Variants in FYB2 observed in about 807,000 individuals in gnomAD.
FYB2 encodes FYN-binding protein 2.
FYB2 carries 103 observed loss-of-function variants against 94.1 expected under a neutral mutation model. The ratio of observed to expected loss-of-function variants is 1.09; its 90% CI spans 0.93 to 1.29. The LOEUF is 1.29. Among genes scored for constraint, FYB2 ranks in the 50% most tolerant of loss-of-function variants. The pLI is 0.00. For synonymous variants in FYB2, 293 were observed against 287.9 expected (o/e 1.02, Z -0.18); for missense variants, 896 against 841.5 (o/e 1.06, Z -0.80).
chr1:56,738,512 A>G, intron 14 of FYB2, 113 bp downstream of exon 14: 1 of 1,111,308 alleles, frequency 9.0e-7, no homozygotes, highest in African/African-American at 1.6e-5. Context: ...ATTTTGGTAG[A>G]GCAATTTTTC....
At chr1:56,778,630 A>G (rs1422167705) in intron 4 of FYB2, among the ~76,000 whole-genome samples, 1 of 152,182 alleles carries the variant, frequency 6.6e-6, no homozygotes, top group Non-Finnish European at 1.5e-5. Context: ...CATGGTCTAG[A>G]AAAACATAAA....
At chr1:56,793,534 A>G (rs1646323647) in intron 1 of FYB2, among the ~76,000 whole-genome samples, 1 of 152,156 alleles carries the variant, frequency 6.6e-6, no homozygotes, top group East Asian at 1.9e-4. Context: ...CTGAGTACAC[A>G]TGGACATAAA....
chr1:56,801,632 A>G, intron 1 of FYB2, among the ~76,000 whole-genome samples: 1 of 151,754 alleles, frequency 6.6e-6, no homozygotes, highest in East Asian at 1.9e-4. Flanking sequence ...CAAGTACCCT[A>G]CTCCTGGACA....
chr1:56,809,014 G>T (rs538067779), intron 1 of FYB2, among the ~76,000 whole-genome samples: 2 of 152,130 alleles, frequency 1.3e-5, no homozygotes, highest in East Asian at 3.9e-4. Context: ...CACATATATA[G>T]ATATAAATAT....
At chr1:56,754,967 G>A (rs1645289772) in intron 7 of FYB2, among the ~76,000 whole-genome samples, 1 of 152,088 alleles carries the variant, frequency 6.6e-6, no homozygotes, top group African/African-American at 2.4e-5. Flanking sequence ...AGAGAGGAAG[G>A]TAGCCCATCC....
At chr1:56,798,792 A>G (rs1646457633) in intron 1 of FYB2, among the ~76,000 whole-genome samples, 1 of 152,172 alleles carries the variant, frequency 6.6e-6, no homozygotes, top group African/African-American at 2.4e-5. Flanking sequence ...TCGAGGGCCT[A>G]TGTGACTTGT....
chr1:56,764,600 G>T (rs1645578697), intron 5 of FYB2, among the ~76,000 whole-genome samples: 1 of 146,400 alleles, frequency 6.8e-6, no homozygotes, highest in Non-Finnish European at 1.5e-5. Context: ...TTATTTCTTT[G>T]ATAAGACTTT....
Position 56,726,597 on chromosome 1 carries a change from T to C in FYB2, c.1794-14A>G. The C allele has an allele frequency of 6.3e-7, 1 of 1,595,582 alleles. No homozygotes were observed. The highest frequency in any genetic ancestry group is 8.6e-7 in the Non-Finnish European group (1 of 1,166,436). ...TTATCTTCATCTCTGAGGAGAAATA[T>C]ATTTTGAGCAAGTAAATTAAGACTG... On this transcript the variant is annotated splice_polypyrimidine_tract_variant and intron_variant, in intron 15 of 19. Transcript: ENST00000343433.
At chr1:56,734,222 G>A (rs569441664) in intron 15 of FYB2, among the ~76,000 whole-genome samples, 39 of 151,976 alleles carry the variant, frequency 2.6e-4, no homozygotes, top group Non-Finnish European at 4.4e-4. Flanking sequence ...TTTATCTGAC[G>A]CTAGGATTGC....
rs184705892 is a variant in FYB2, at chr1:56,741,824, G to A, written c.1604+337C>T. ...AAAAACAGCTATAAAATTGAAGCAA[G>A]TTTTATTAATATTTACATCTCTTTT... On this transcript the variant is annotated intron_variant, in intron 12 of 19. Coordinates refer to ENST00000343433, the MANE Select transcript of FYB2 (RefSeq NM_001004303.5). 9.7e-4 allele frequency among the ~76,000 whole-genome samples: 148 copies of A among 152,076 alleles called. No individual in the cohort carries two copies. The East Asian group carries it at 0.019, about 20-fold the overall frequency.
intron 2 of FYB2, among the ~76,000 whole-genome samples, chr1:56,791,529 T>C (rs930572287): frequency 2.0e-5 from 3 of 152,180 alleles, no homozygotes; most frequent in African/African-American, 7.2e-5. Context: ...ATAACAGGCA[T>C]AAGCCACCGT....
At chr1:56,723,524 T>A in intron 17 of FYB2, 64 bp downstream of exon 17, 1 of 943,884 alleles carries the variant, frequency 1.1e-6, no homozygotes, top group South Asian at 1.7e-5. Context: ...TTACAGATTT[T>A]TTTTTTAAAT....
At chr1:56,742,614 T>C (rs1644980700) in intron 11 of FYB2, among the ~76,000 whole-genome samples, 1 of 152,104 alleles carries the variant, frequency 6.6e-6, no homozygotes, top group African/African-American at 2.4e-5. Context: ...ATATCTTGAA[T>C]AATCTCTCCC....
chr1:56,742,115 A>T (rs1297973626), intron 12 of FYB2, 46 bp downstream of exon 12: 1 of 1,542,636 alleles, frequency 6.5e-7, no homozygotes, highest in South Asian at 1.1e-5. Context: ...TTACTAGACT[A>T]ACAGGAAGTC....
At chr1:56,735,409 G>A (rs72668344) in intron 15 of FYB2, among the ~76,000 whole-genome samples, 10,877 of 152,174 alleles carry the variant, frequency 0.071, 515 homozygotes, top group Middle Eastern at 0.14. Context: ...GCTAAGAAAG[G>A]TTGCTGTCAT....
chr1:56,744,559 CT>C (rs1444694709), intron 9 of FYB2, among the ~76,000 whole-genome samples: 1 of 151,914 alleles, frequency 6.6e-6, no homozygotes, highest in Non-Finnish European at 1.5e-5. Context: ...TAGTAACTCC[CT>C]TCTTTGATGG....
intron 5 of FYB2, among the ~76,000 whole-genome samples, chr1:56,765,901 C>T (rs919888850): frequency 3.9e-5 from 6 of 152,124 alleles, no homozygotes; most frequent in African/African-American, 1.4e-4. Context: ...TACATCTGTT[C>T]CATCTTCCCA....
rs781188790 is a variant in FYB2 at position 56,740,690 on chromosome 1, T to A, written c.1703+7A>T. ...CTCGTGGAAAGGGATTTAAAGGGACTTTTTACCTTAAGTTTTCTTTCGACT... is the reference window on the plus strand; with the variant it reads ...CTCGTGGAAAGGGATTTAAAGGGACATTTTACCTTAAGTTTTCTTTCGACT... On this transcript the variant is annotated splice_region_variant and intron_variant, in intron 13 of 19. Transcript: ENST00000343433. 1.9e-6 allele frequency: 3 copies of A among 1,556,332 alleles called. No homozygotes were observed. The highest frequency in any genetic ancestry group is 2.6e-6 in the Non-Finnish European group (3 of 1,133,704).
chr1:56,781,790 C>A (rs1646015213), intron 4 of FYB2, among the ~76,000 whole-genome samples: 1 of 152,212 alleles, frequency 6.6e-6, no homozygotes, highest in Non-Finnish European at 1.5e-5. Context: ...GATACTCCAC[C>A]TCCATTTCCT....
Sources: gnomAD v4.1 joint callset for allele counts (sites outside exome capture counted in the v4.1 genomes callset) on GRCh38, gnomAD v4.1.1 for gene constraint, MANE v1.5 for transcripts, NCBI Gene and HGNC (gene_info 2026-07-23, HGNC 2026-07-21) for gene names.